The following LHPP variants were observed in gnomAD, a reference collection of about 807,000 sequenced individuals.
LHPP encodes phospholysine phosphohistidine inorganic pyrophosphate phosphatase, also known as hLHPP.
A neutral mutation model predicts 30.3 loss-of-function variants in LHPP; 24 were observed. The ratio of observed to expected loss-of-function variants is 0.79; its 90% confidence interval spans 0.57 to 1.11. The LOEUF is 1.11. Among genes scored for constraint, LHPP ranks in the 50% most tolerant of loss-of-function variants. The probability of loss-of-function intolerance (pLI) is 0.00; values close to 1 mark genes in which losing one functional copy is unlikely to be tolerated. For missense variants in LHPP, 356 were observed against 367.2 expected (o/e 0.97, Z 0.25); for synonymous variants, 150 against 157.1 (o/e 0.95, Z 0.34).
At position 124,496,879 on chromosome 10, in the gene LHPP, C is replaced by A; in HGVS notation, c.468-82C>A. 1 of 1,291,830 alleles carries A rather than the reference C, an allele frequency of 7.7e-7. No individual in the cohort carries two copies. Among genetic ancestry groups the A allele is most frequent in the Non-Finnish European group, 1.1e-6 (1 of 907,484 alleles). 80.0% of individuals were successfully genotyped at this position (1,291,830 alleles called of 1,614,324 possible). A position where few individuals can be genotyped will look rare whatever the true frequency, so the allele number is the denominator to read the frequency against. ...GGCTCTGCAGCCAGCGGGACAGGCC[C>A]GGTGCTCAGCTCCCGATACTTAGCA... On this transcript the variant is annotated intron_variant, in intron 3 of 6. Transcript: ENST00000368842. The surrounding 1 kb of genome is among the most constrained non-coding windows in gnomAD (Gnocchi z 4.3).
At chr10:124,565,943 A>G (rs1948482990) in intron 6 of LHPP, among the ~76,000 whole-genome samples, 1 of 152,250 alleles carries the variant, frequency 6.6e-6, no homozygotes, top group Non-Finnish European at 1.5e-5. Flanking sequence ...GAGAAGACCA[A>G]GAAAGCAGAG....
intron 6 of LHPP, among the ~76,000 whole-genome samples, chr10:124,553,661 G>T (rs572305238): frequency 1.3e-5 from 2 of 152,054 alleles, no homozygotes; most frequent in African/African-American, 2.4e-5. Flanking sequence ...GGGTTTCACC[G>T]TGTTAGCCAG....
At chr10:124,552,931 G>C (rs556466011) in intron 6 of LHPP, among the ~76,000 whole-genome samples, 26 of 152,334 alleles carry the variant, frequency 1.7e-4, no homozygotes, top group African/African-American at 6.0e-4. Context: ...AATGGGTTTG[G>C]AGCTAATTAA....
chr10:124,560,419 ACAGACCCATCTGCGTTTG>A (rs1280332486), intron 6 of LHPP, among the ~76,000 whole-genome samples: 1 of 152,218 alleles, frequency 6.6e-6, no homozygotes, highest in Non-Finnish European at 1.5e-5. Context: ...TAGCTTTGAA[ACAGACCCATCTGCGTTTG>A]CAATTTGGCC....
chr10:124,589,930 G>C lies in LHPP; in HGVS notation c.717-23334G>C, dbSNP rs151181759. 8.5e-5 allele frequency among the ~76,000 whole-genome samples: 13 copies of C among 152,308 alleles called. No homozygotes were observed. In the East Asian group the frequency reaches 2.5e-3, roughly 29 times the overall value. On this transcript the variant is annotated intron_variant, in intron 6 of 6. Coordinates refer to ENST00000368842, the MANE Select transcript of LHPP (RefSeq NM_022126.4). ...GCTGGCAGTTCTTCGGGCTGGCGGG[G>C]CTCGGGAGCTGTCAGCCTGCCAAAT...
intron 4 of LHPP, among the ~76,000 whole-genome samples, chr10:124,497,580 C>G (rs544931053): frequency 2.0e-5 from 3 of 152,240 alleles, no homozygotes; most frequent in African/African-American, 4.8e-5. Context: ...CCTCACATCC[C>G]GTCCCATCCT....
rs867488630 is a variant in LHPP, at chr10:124,501,544, G to A, written c.624+3416G>A. On this transcript the variant is annotated intron_variant, in intron 5 of 6. Coordinates refer to ENST00000368842, the MANE Select transcript of LHPP (RefSeq NM_022126.4). ...TTGAACCCAGGAGGTGGAGATTGCA[G>A]TGAGCCGAGATCGTGCAACTGTGCT... Among the ~76,000 whole-genome samples the A allele has an allele frequency of 4.0e-5, 6 of 149,836 alleles. No homozygotes were observed. The South Asian group carries it at 8.4e-4, about 21-fold the overall frequency.
Position 124,613,499 on chromosome 10 carries a change from C to G in LHPP, c.*139C>G, listed in dbSNP as rs1949231429. 1.5e-6 allele frequency: 1 copy of G among 664,686 alleles called. No homozygotes were observed. The highest frequency in any genetic ancestry group is 1.8e-5 in the African/African-American group (1 of 56,670). The allele number at this position is 664,686 out of a possible 1,614,324, so 41.2% of individuals were successfully genotyped here. A position where few individuals can be genotyped will look rare whatever the true frequency, so the allele number is the denominator to read the frequency against. ...TGCCTCTCCTCCACCCCTGCCTCCCCTCCACCTGCCCCAGTGCCCAGACCA... is the reference window on the plus strand; with the variant it reads ...TGCCTCTCCTCCACCCCTGCCTCCCGTCCACCTGCCCCAGTGCCCAGACCA... On this transcript the variant is annotated 3_prime_UTR_variant, in exon 7 of 7. Transcript: ENST00000368842.
intron 6 of LHPP, chr10:124,553,782 T>G: frequency 1.7e-6 from 1 of 594,970 alleles, no homozygotes; most frequent in Non-Finnish European, 2.1e-6. Flanking sequence ...GAATGTTGTA[T>G]GACTCCCGGT....
At position 124,496,934 on chromosome 10, in the gene LHPP, C is replaced by T; in HGVS notation, c.468-27C>T. The T allele has an allele frequency of 6.2e-7, 1 of 1,604,946 alleles. No individual in the cohort carries two copies. The highest frequency in any genetic ancestry group is 8.5e-7 in the Non-Finnish European group (1 of 1,173,770). ...GCGGTCAGCTCCCCGTGCTCAGCAT[C>T]CCGTGCTCCGTTCTGCTCTCTCCTA... On this transcript the variant is annotated intron_variant, in intron 3 of 6. Coordinates refer to ENST00000368842, the MANE Select transcript of LHPP (RefSeq NM_022126.4). This position sits in a 1 kb window ranked among gnomAD's most constrained non-coding sequence, Gnocchi z 4.3.
At chr10:124,471,476 A>T (rs1205137882) in intron 1 of LHPP, among the ~76,000 whole-genome samples, 5 of 1,694 alleles carry the variant, frequency 3.0e-3, no homozygotes, top group African/African-American at 3.7e-3. Context: ...TATATATTAT[A>T]TATATTTATA....
chr10:124,463,211 TTAAG>T (rs909068073), intron 1 of LHPP, among the ~76,000 whole-genome samples: 5 of 110,638 alleles, frequency 4.5e-5, no homozygotes, highest in Non-Finnish European at 9.7e-5. Context: ...ATATTTGAAA[TTAAG>T]TATACCTTTT....
rs577473497 is a variant in LHPP, at chr10:124,578,707, C to T, written c.717-34557C>T. Among the ~76,000 whole-genome samples, 5 of 152,336 alleles carry T rather than the reference C, an allele frequency of 3.3e-5. No individual in the cohort carries two copies. The East Asian group carries it at 9.7e-4, about 29-fold the overall frequency. ...ACAGTTGCTGGATGCAGGGCTTACACCGCGCCACGCGTCAGAAGCTAGCAG... is the reference window on the plus strand; with the variant it reads ...ACAGTTGCTGGATGCAGGGCTTACATCGCGCCACGCGTCAGAAGCTAGCAG... On this transcript the variant is annotated intron_variant, in intron 6 of 6. Transcript: ENST00000368842.
At chr10:124,553,727 G>A (rs1293187717) in intron 6 of LHPP, among the ~76,000 whole-genome samples, 7 of 152,152 alleles carry the variant, frequency 4.6e-5, no homozygotes, top group African/African-American at 1.4e-4. Context: ...CCAAAGTGCC[G>A]GGATTACAGG....
At position 124,596,447 on chromosome 10, in the gene LHPP, G is replaced by T. The variant is rs979410075; in HGVS notation, c.717-16817G>T. The stretch of plus-strand genomic sequence containing the variant: ...GGACCTCTCCACGCTGGCCATTCAG[G>T]TGGACGTGGAGCGGTGTCATTTCCT... On this transcript the variant is annotated intron_variant, in intron 6 of 6. Transcript: ENST00000368842. The surrounding 1 kb of genome is among the most constrained non-coding windows in gnomAD (Gnocchi z 4.6). Among the ~76,000 whole-genome samples, 4 of 152,192 alleles carry T rather than the reference G, an allele frequency of 2.6e-5. No individual in the cohort carries two copies. The highest frequency in any genetic ancestry group is 9.7e-5 in the African/African-American group (4 of 41,436).
chr10:124,543,581 G>T (rs1343542189), intron 6 of LHPP, among the ~76,000 whole-genome samples: 1 of 106,546 alleles, frequency 9.4e-6, no homozygotes, highest in African/African-American at 6.9e-5. Context: ...CTAGCCGTGA[G>T]GAGTTCAGCT....
intron 5 of LHPP, among the ~76,000 whole-genome samples, chr10:124,515,685 C>G (rs993087376): frequency 3.3e-5 from 5 of 152,234 alleles, no homozygotes; most frequent in African/African-American, 4.8e-5. Flanking sequence ...TTGGGGGCAG[C>G]ACCAGAGCAG....
At chr10:124,580,076 T>C (rs545794048) in intron 6 of LHPP, among the ~76,000 whole-genome samples, 2 of 152,108 alleles carry the variant, frequency 1.3e-5, no homozygotes, top group Admixed American at 6.6e-5. Flanking sequence ...TTCCTTTTTG[T>C]GAATTACCTA....
chr10:124,550,511 G>T (rs935205617), intron 6 of LHPP, among the ~76,000 whole-genome samples: 1 of 152,228 alleles, frequency 6.6e-6, no homozygotes, highest in Non-Finnish European at 1.5e-5. Flanking sequence ...GGGGGAGGGT[G>T]TGGAGGGTTC....
Sources: gnomAD v4.1 joint callset for allele counts (sites outside exome capture counted in the v4.1 genomes callset) on GRCh38, gnomAD v4.1.1 for gene constraint, Gnocchi (gnomAD v3.1) non-coding constraint, MANE v1.5 for transcripts, NCBI Gene and HGNC (gene_info 2026-07-23, HGNC 2026-07-21) for gene names.